Variants in ATP8A2 observed in about 807,000 individuals in gnomAD.
ATP8A2 encodes the protein phospholipid-transporting ATPase IB.
ATP8A2 carries 100 observed loss-of-function variants against 165.6 expected under a neutral mutation model. The observed-to-expected ratio is 0.60, with a 90% CI of 0.51 to 0.71. The LOEUF is 0.71. ATP8A2 is among the 30% of genes least tolerant of loss of function. ATP8A2 has a pLI of 0.00. For synonymous variants in ATP8A2, 543 were observed against 548.8 expected (o/e 0.99, Z 0.15); for missense variants, 1,227 against 1,479.5 (o/e 0.83, Z 2.80).
At chr13:25,538,108 AAT>A in intron 7 of ATP8A2, 47 bp downstream of exon 7, 1 of 1,473,740 alleles carries the variant, frequency 6.8e-7, no homozygotes. Flanking sequence ...TGTTAAGAAC[AAT>A]AAAATATTAA....
At chr13:25,908,484 T>G (rs2138982479) in intron 33 of ATP8A2, among the ~76,000 whole-genome samples, 1 of 152,368 alleles carries the variant, frequency 6.6e-6, no homozygotes, top group South Asian at 2.1e-4. Context: ...CTATTTAGAA[T>G]AGACCAGGGT....
chr13:25,686,969 G>A (rs2042614876), intron 24 of ATP8A2, among the ~76,000 whole-genome samples: 1 of 152,164 alleles, frequency 6.6e-6, no homozygotes. Context: ...GCACAGCTGT[G>A]TTCCTGTAGT....
At chr13:25,620,790 G>A (rs560633908) in intron 24 of ATP8A2, among the ~76,000 whole-genome samples, 6 of 152,270 alleles carry the variant, frequency 3.9e-5, no homozygotes, top group Admixed American at 3.9e-4. Flanking sequence ...CAAAATGTTA[G>A]AAATAGGCAC....
chr13:25,997,832 G>C (rs928798946), intron 35 of ATP8A2, among the ~76,000 whole-genome samples: 1 of 151,666 alleles, frequency 6.6e-6, no homozygotes, highest in Admixed American at 6.6e-5. Context: ...TCTTTTAAGT[G>C]TGTTCATAAT....
intron 2 of ATP8A2, among the ~76,000 whole-genome samples, chr13:25,505,829 C>T (rs768871866): frequency 7.2e-5 from 11 of 152,056 alleles, no homozygotes; most frequent in South Asian, 2.1e-4. Context: ...TATTAATATC[C>T]GACATATTCT....
At chr13:25,480,997 A>T (rs769803108) in intron 2 of ATP8A2, among the ~76,000 whole-genome samples, 15 of 152,154 alleles carry the variant, frequency 9.9e-5, no homozygotes, top group Non-Finnish European at 2.9e-5. Flanking sequence ...CCACCAAAAA[A>T]ATATGAAAAC....
At chr13:25,836,369 GTCT>G (rs1213105902) in intron 28 of ATP8A2, among the ~76,000 whole-genome samples, 3 of 152,174 alleles carry the variant, frequency 2.0e-5, no homozygotes, top group African/African-American at 7.2e-5. Context: ...GCATGCTGAT[GTCT>G]CAGAGCTTTG....
intron 1 of ATP8A2, among the ~76,000 whole-genome samples, chr13:25,435,251 G>T (rs928520024): frequency 2.6e-5 from 4 of 151,594 alleles, no homozygotes; most frequent in African/African-American, 9.7e-5. Context: ...CTCCCAAGTA[G>T]CTGGGATTAC....
At chr13:25,938,735 C>T (rs1025855231) in intron 33 of ATP8A2, among the ~76,000 whole-genome samples, 3 of 152,100 alleles carry the variant, frequency 2.0e-5, no homozygotes, top group African/African-American at 7.2e-5. Flanking sequence ...GGAAGAGACA[C>T]CTGTTTCTTG....
At chr13:25,895,800 G>A (rs1953523911) in intron 33 of ATP8A2, among the ~76,000 whole-genome samples, 1 of 152,174 alleles carries the variant, frequency 6.6e-6, no homozygotes, top group Non-Finnish European at 1.5e-5. Context: ...ATTTCTTCTA[G>A]ATTTTCTAGT....
chr13:25,636,862 G>A (rs779000141), intron 24 of ATP8A2, among the ~76,000 whole-genome samples: 1 of 152,094 alleles, frequency 6.6e-6, no homozygotes, highest in Non-Finnish European at 1.5e-5. Context: ...GGAGACCAAG[G>A]CAGGATGATT....
chr13:25,757,851 C>T (rs1042026251), intron 25 of ATP8A2, among the ~76,000 whole-genome samples: 1 of 152,108 alleles, frequency 6.6e-6, no homozygotes, highest in African/African-American at 2.4e-5. Context: ...GTGTGTCTGG[C>T]TCACTCTGGC....
chr13:26,002,425 G>A (rs1220465404), intron 35 of ATP8A2, among the ~76,000 whole-genome samples: 2 of 151,830 alleles, frequency 1.3e-5, no homozygotes, highest in Non-Finnish European at 2.9e-5. Flanking sequence ...TGGGGTGGGG[G>A]GATGGGGGAG....
At chr13:25,480,428 C>T (rs556199718) in intron 2 of ATP8A2, among the ~76,000 whole-genome samples, 2 of 151,122 alleles carry the variant, frequency 1.3e-5, no homozygotes, top group African/African-American at 4.9e-5. Context: ...AGAGTCTCCT[C>T]CCTTCTCAGA....
intron 24 of ATP8A2, among the ~76,000 whole-genome samples, chr13:25,641,084 A>G (rs1337797505): frequency 6.6e-6 from 1 of 152,228 alleles, no homozygotes; most frequent in Admixed American, 6.5e-5. Flanking sequence ...TCAATAAATT[A>G]GGTATTGATG....
chr13:25,654,188 T>C (rs2041876668), intron 24 of ATP8A2, among the ~76,000 whole-genome samples: 1 of 150,684 alleles, frequency 6.6e-6, no homozygotes, highest in African/African-American at 2.4e-5. Flanking sequence ...GTAGCAGAGT[T>C]TTTGCTGTCA....
At chr13:25,536,598 C>G (rs961293716) in intron 6 of ATP8A2, among the ~76,000 whole-genome samples, 1 of 152,106 alleles carries the variant, frequency 6.6e-6, no homozygotes, top group Non-Finnish European at 1.5e-5. Flanking sequence ...AACATGGGCA[C>G]CTGCTAGCTT....
chr13:25,753,953 A>G (rs1162798267), intron 25 of ATP8A2, among the ~76,000 whole-genome samples: 1 of 152,240 alleles, frequency 6.6e-6, no homozygotes, highest in African/African-American at 2.4e-5. Context: ...TCACTGAAGG[A>G]CTTTCAAAGA....
At chr13:25,580,734 A>T (rs1314413712) in intron 22 of ATP8A2, among the ~76,000 whole-genome samples, 1 of 151,996 alleles carries the variant, frequency 6.6e-6, no homozygotes, top group South Asian at 2.1e-4. Context: ...GGGTCTTGCT[A>T]TGTTTCCCAG....
Sources: gnomAD v4.1 joint callset for allele counts (sites outside exome capture counted in the v4.1 genomes callset) on GRCh38, gnomAD v4.1.1 for gene constraint, MANE v1.5 for transcripts, NCBI Gene and HGNC (gene_info 2026-07-23, HGNC 2026-07-21) for gene names.